Variants in EYS observed in about 807,000 individuals in gnomAD.
EYS encodes protein eyes shut homolog.
Under a neutral mutation model 282.1 loss-of-function variants are expected in EYS, and 250 were observed. The ratio of observed to expected loss-of-function variants is 0.89; its 90% CI spans 0.80 to 0.98. EYS has a LOEUF of 0.98. Ranked by LOEUF, EYS falls within the 50% of genes least tolerant of loss-of-function variation. The pLI is 0.00. For missense variants in EYS, 4,016 were observed against 3,709.0 expected (o/e 1.08, Z -2.15); for synonymous variants, 1,355 against 1,282.9 (o/e 1.06, Z -1.20).
At chr6:65,208,330 G>A (rs1766088178) in intron 12 of EYS, among the ~76,000 whole-genome samples, 1 of 151,694 alleles carries the variant, frequency 6.6e-6, no homozygotes, top group Non-Finnish European at 1.5e-5. Context: ...GAGAGAAGAA[G>A]GGAACACTTA....
At chr6:64,671,083 A>G (rs1769442753) in intron 22 of EYS, among the ~76,000 whole-genome samples, 1 of 152,070 alleles carries the variant, frequency 6.6e-6, no homozygotes, top group African/African-American at 2.4e-5. Context: ...AACTTCCTCA[A>G]ATTTATTCTA....
intron 12 of EYS, among the ~76,000 whole-genome samples, chr6:65,273,922 A>G (rs1767972278): frequency 1.3e-5 from 2 of 152,064 alleles, no homozygotes; most frequent in Non-Finnish European, 2.9e-5. Context: ...CAACAATCAG[A>G]CCTTTTAAGG....
At chr6:65,168,806 C>T (rs890986064) in intron 12 of EYS, among the ~76,000 whole-genome samples, 5 of 151,250 alleles carry the variant, frequency 3.3e-5, no homozygotes, top group African/African-American at 1.2e-4. Context: ...AAATTTTGTA[C>T]CAGATAGAAA....
chr6:65,520,880 G>A (rs1392387235), intron 2 of EYS, among the ~76,000 whole-genome samples: 2 of 151,964 alleles, frequency 1.3e-5, no homozygotes, highest in Non-Finnish European at 2.9e-5. Flanking sequence ...TCCAATTTTA[G>A]TGCTTGATTG....
chr6:64,419,136 T>C (rs764906001), intron 28 of EYS, among the ~76,000 whole-genome samples: 15 of 152,138 alleles, frequency 9.9e-5, no homozygotes, highest in Non-Finnish European at 1.9e-4. Context: ...TAGACGATCA[T>C]AAGTAGCTAT....
At chr6:65,227,550 T>C (rs1766659614) in intron 12 of EYS, among the ~76,000 whole-genome samples, 1 of 152,152 alleles carries the variant, frequency 6.6e-6, no homozygotes. Flanking sequence ...TATTGATATA[T>C]GATCAAGCAA....
Position 65,371,583 on chromosome 6 carries a change from T to C in EYS, c.1299+12803A>G, listed in dbSNP as rs549182316. ...TCTTATGGGAACTTCCAGGATGATA[T>C]CAATGTTATTGTAGAGCAAACCAGG... On this transcript the variant is annotated intron_variant, in intron 8 of 42. Transcript: ENST00000503581. Among the ~76,000 whole-genome samples the C allele has an allele frequency of 5.9e-5, 9 of 152,080 alleles. No homozygotes were observed. The South Asian group carries it at 1.9e-3, about 32-fold the overall frequency.
At chr6:63,903,671 A>G (rs531104496) in intron 35 of EYS, among the ~76,000 whole-genome samples, 4 of 151,860 alleles carry the variant, frequency 2.6e-5, no homozygotes, top group African/African-American at 9.7e-5. Flanking sequence ...TTTCTTTTCT[A>G]CCCCTAGGAT....
chr6:63,762,333 A>G (rs902870623), intron 41 of EYS, 128 bp downstream of exon 41: 18 of 856,858 alleles, frequency 2.1e-5, no homozygotes, highest in African/African-American at 5.2e-5. Context: ...AATATACTAG[A>G]AAAAGAGGAC....
intron 15 of EYS, among the ~76,000 whole-genome samples, chr6:64,931,498 A>G (rs908528360): frequency 1.3e-5 from 2 of 152,088 alleles, no homozygotes; most frequent in African/African-American, 4.8e-5. Context: ...TGATCAAAAT[A>G]ATCTCTTTTT....
chr6:65,114,935 T>C (rs771781427), intron 12 of EYS, among the ~76,000 whole-genome samples: 6 of 152,052 alleles, frequency 3.9e-5, no homozygotes, highest in Admixed American at 6.6e-5. Context: ...CCCTATAAAC[T>C]TTTCTTTGGC....
intron 1 of EYS, among the ~76,000 whole-genome samples, chr6:65,671,736 T>C (rs995596975): frequency 3.3e-5 from 5 of 152,052 alleles, no homozygotes; most frequent in African/African-American, 1.2e-4. Context: ...ATGGGAAAAT[T>C]TGTGGCACCC....
intron 36 of EYS, among the ~76,000 whole-genome samples, chr6:63,847,767 T>C (rs1171516549): frequency 6.6e-6 from 1 of 152,244 alleles, no homozygotes; most frequent in African/African-American, 2.4e-5. Context: ...TTAGTTGATC[T>C]TATCAAAATA....
intron 2 of EYS, among the ~76,000 whole-genome samples, chr6:65,604,842 C>CTTTTT (rs10583844): frequency 7.7e-6 from 1 of 130,410 alleles, no homozygotes; most frequent in African/African-American, 2.8e-5. Context: ...TCACTGCCCC[C>CTTTTT]TTTTTTTTTT....
At chr6:65,019,916 C>T (rs1014103833) in intron 13 of EYS, among the ~76,000 whole-genome samples, 2 of 150,106 alleles carry the variant, frequency 1.3e-5, no homozygotes, top group African/African-American at 2.5e-5. Flanking sequence ...GCAAGAAGTG[C>T]CGAGCAAAAT....
intron 12 of EYS, among the ~76,000 whole-genome samples, chr6:65,163,164 G>A (rs79940232): frequency 0.043 from 6,450 of 151,024 alleles, 197 homozygotes; most frequent in Middle Eastern, 0.065. Flanking sequence ...TTATTTTAGA[G>A]CTTTTTCAAA....
At chr6:64,486,534 C>T (rs555949768) in intron 26 of EYS, among the ~76,000 whole-genome samples, 5 of 151,504 alleles carry the variant, frequency 3.3e-5, no homozygotes, top group Middle Eastern at 3.4e-3. Flanking sequence ...TAAGTAGACA[C>T]GGGCACAATT....
chr6:65,625,993 C>A (rs1766675908), intron 2 of EYS, among the ~76,000 whole-genome samples: 1 of 152,172 alleles, frequency 6.6e-6, no homozygotes, highest in African/African-American at 2.4e-5. Flanking sequence ...TCCTTCCCTT[C>A]CTTTAATTGC....
chr6:65,567,755 G>A (rs1203117770), intron 2 of EYS, among the ~76,000 whole-genome samples: 1 of 151,944 alleles, frequency 6.6e-6, no homozygotes, highest in Non-Finnish European at 1.5e-5. Flanking sequence ...AGTTATGCAG[G>A]GTTTTAACCA....
Sources: gnomAD v4.1 joint callset for allele counts (sites outside exome capture counted in the v4.1 genomes callset) on GRCh38, gnomAD v4.1.1 for gene constraint, MANE v1.5 for transcripts, NCBI Gene and HGNC (gene_info 2026-07-23, HGNC 2026-07-21) for gene names.